The following FGF12 variants were observed in gnomAD, a reference collection of about 807,000 sequenced individuals.
FGF12 encodes the protein fibroblast growth factor 12, also known as fibroblast growth factor 12B.
A neutral mutation model predicts 23.6 loss-of-function variants in FGF12; 14 were observed. The observed-to-expected ratio is 0.59, with a 90% confidence interval of 0.39 to 0.93. The LOEUF (loss-of-function observed/expected upper bound fraction) is 0.93. FGF12 is among the 40% of genes least tolerant of loss of function. The probability of loss-of-function intolerance (pLI) is 0.00; values close to 1 mark genes in which losing one functional copy is unlikely to be tolerated. For synonymous variants in FGF12, 62 were observed against 77.3 expected (o/e 0.80, Z 1.04); for missense variants, 175 against 217.8 (o/e 0.80, Z 1.24).
chr3:192,375,849 T>C (rs1248121490), intron 2 of FGF12, among the ~76,000 whole-genome samples: 1 of 150,808 alleles, frequency 6.6e-6, no homozygotes, highest in Admixed American at 6.6e-5. Context: ...GGAAAAAAAT[T>C]TCATCATCTT....
chr3:192,693,674 A>G (rs1718016514), intron 2 of FGF12, among the ~76,000 whole-genome samples: 1 of 152,194 alleles, frequency 6.6e-6, no homozygotes, highest in African/African-American at 2.4e-5. Context: ...TCTTCAATAA[A>G]TGATGTTGGG....
chr3:192,604,248 C>A (rs1378660503), intron 2 of FGF12, among the ~76,000 whole-genome samples: 3 of 152,122 alleles, frequency 2.0e-5, no homozygotes, highest in Non-Finnish European at 2.9e-5. Flanking sequence ...TTTGAACACA[C>A]ATGTTTTACA....
intron 2 of FGF12, among the ~76,000 whole-genome samples, chr3:192,595,962 G>A (rs2108626406): frequency 6.6e-6 from 1 of 151,676 alleles, no homozygotes; most frequent in Non-Finnish European, 1.5e-5. Flanking sequence ...GTATGGTGGT[G>A]CACGCCTGTA....
At chr3:192,326,479 C>T (rs1194236831) in intron 4 of FGF12, among the ~76,000 whole-genome samples, 1 of 152,164 alleles carries the variant, frequency 6.6e-6, no homozygotes, top group African/African-American at 2.4e-5. Context: ...ACCCCCAACT[C>T]ATGTTTCTCA....
At chr3:192,265,393 T>C (rs1189996000) in intron 4 of FGF12, 2 of 152,128 alleles carry the variant, frequency 1.3e-5, no homozygotes, top group Admixed American at 6.6e-5. Context: ...AGGAGTTGTG[T>C]GATGCGATGG....
intron 4 of FGF12, among the ~76,000 whole-genome samples, chr3:192,290,906 C>CA (rs1345737439): frequency 6.6e-6 from 1 of 151,946 alleles, no homozygotes; most frequent in Non-Finnish European, 1.5e-5. Context: ...AGGACACATA[C>CA]AAAAAATATG....
intron 2 of FGF12, among the ~76,000 whole-genome samples, chr3:192,390,895 A>G (rs1426932821): frequency 6.6e-6 from 1 of 152,358 alleles, no homozygotes; most frequent in South Asian, 2.1e-4. Flanking sequence ...CAAGACACAA[A>G]GCAGATTGGG....
At chr3:192,405,645 AT>A (rs1432293863) in intron 2 of FGF12, among the ~76,000 whole-genome samples, 1,487 of 146,494 alleles carry the variant, frequency 0.01, 32 homozygotes, top group African/African-American at 0.037. Context: ...CAAAGTGATT[AT>A]AAAACAGATT....
chr3:192,288,677 A>G (rs1577322352), intron 4 of FGF12, among the ~76,000 whole-genome samples: 1 of 152,206 alleles, frequency 6.6e-6, no homozygotes, highest in African/African-American at 2.4e-5. Flanking sequence ...TAAGCAATGG[A>G]GCTCAAACTA....
rs990585128 is a variant in FGF12, at chr3:192,408,281, C to T, written c.14-47743G>A. The T allele has an allele frequency of 1.9e-5, 29 of 1,497,174 alleles. No homozygotes were observed. Among genetic ancestry groups the T allele is most frequent in the South Asian group, 7.8e-5 (6 of 76,696 alleles). The allele number at this position is 1,497,174 out of a possible 1,614,324, so 92.7% of individuals were successfully genotyped here. On this transcript the variant is annotated intron_variant, in intron 2 of 5. Transcript: ENST00000445105. This position sits in a 1 kb window ranked among gnomAD's most constrained non-coding sequence, Gnocchi z 7.3. ...CTACTGCGCCCTCCGGCTTGCGCTC[C>T]GCCGGGGCGAGGGCAGGACCTGGGC...
intron 2 of FGF12, among the ~76,000 whole-genome samples, chr3:192,384,516 A>C (rs1383010679): frequency 6.6e-6 from 1 of 152,176 alleles, no homozygotes; most frequent in East Asian, 1.9e-4. Context: ...GAAGGATAGA[A>C]CAGATGTTAA....
chr3:192,158,356 T>TTC (rs1553844080), intron 5 of FGF12, among the ~76,000 whole-genome samples: 1 of 112,292 alleles, frequency 8.9e-6, no homozygotes, highest in Middle Eastern at 3.8e-3. Context: ...CTTTCTTTCT[T>TTC]TCTTTCTTTC....
intron 2 of FGF12, among the ~76,000 whole-genome samples, chr3:192,687,107 G>A (rs1301647694): frequency 1.3e-5 from 2 of 150,504 alleles, no homozygotes; most frequent in East Asian, 2.0e-4. Flanking sequence ...GGGATTACAG[G>A]TGTGAGTCAC....
rs188180244 is a variant in FGF12 at position 192,142,701 on chromosome 3, G to T, written c.*1308C>A. The T allele has an allele frequency of 8.6e-5, 13 of 151,934 alleles. No homozygotes were observed. Among genetic ancestry groups the T allele is most frequent in the Non-Finnish European group, 1.3e-4 (9 of 67,942 alleles). The allele number at this position is 151,934 out of a possible 1,614,324, so 9.4% of individuals were successfully genotyped here. ...GCTGCTCACACAATCCTGTCTGTTGGAGTCATAGCTGCTAATTCCATATTA... is the reference window on the plus strand; with the variant it reads ...GCTGCTCACACAATCCTGTCTGTTGTAGTCATAGCTGCTAATTCCATATTA... On this transcript the variant is annotated 3_prime_UTR_variant, in exon 6 of 6. Transcript: ENST00000445105.
intron 2 of FGF12, among the ~76,000 whole-genome samples, chr3:192,716,468 C>T (rs543184483): frequency 1.3e-5 from 2 of 152,178 alleles, no homozygotes; most frequent in East Asian, 1.9e-4. Context: ...GTTTTTATTG[C>T]ATAATTTAAA....
At chr3:192,257,656 A>C (rs928241098) in intron 4 of FGF12, among the ~76,000 whole-genome samples, 1 of 152,068 alleles carries the variant, frequency 6.6e-6, no homozygotes, top group Non-Finnish European at 1.5e-5. Context: ...GAGTTAACCA[A>C]ATGTTCTAGT....
intron 4 of FGF12, among the ~76,000 whole-genome samples, chr3:192,318,149 A>T (rs1716328771): frequency 6.6e-6 from 1 of 152,132 alleles, no homozygotes; most frequent in Non-Finnish European, 1.5e-5. Flanking sequence ...ACAAGCTCAG[A>T]CTGCAAAGAC....
intron 2 of FGF12, among the ~76,000 whole-genome samples, chr3:192,423,573 A>G (rs915473125): frequency 6.6e-6 from 1 of 152,180 alleles, no homozygotes; most frequent in Non-Finnish European, 1.5e-5. Context: ...CACCACATAC[A>G]ATACTTGGAA....
At chr3:192,565,148 A>G (rs917283822) in intron 2 of FGF12, among the ~76,000 whole-genome samples, 2 of 152,242 alleles carry the variant, frequency 1.3e-5, no homozygotes, top group African/African-American at 4.8e-5. Context: ...AGATGACTTT[A>G]AGCATATTTT....
Sources: allele counts gnomAD v4.1 joint callset (sites outside exome capture counted in the v4.1 genomes callset), GRCh38; gene constraint gnomAD v4.1.1; non-coding constraint Gnocchi (gnomAD v3.1); transcripts MANE v1.5; gene names NCBI Gene and HGNC (gene_info 2026-07-23, HGNC 2026-07-21).